Variants in AGBL1 observed in about 807,000 individuals in gnomAD.
The protein encoded by AGBL1 is cytosolic carboxypeptidase 4.
Under a neutral mutation model 118.9 loss-of-function variants are expected in AGBL1, and 130 were observed. The observed-to-expected ratio is 1.09, with a 90% CI of 0.95 to 1.26. The LOEUF (loss-of-function observed/expected upper bound fraction) is 1.26. Ranked by LOEUF, AGBL1 falls within the 50% of genes most tolerant of loss-of-function variation. AGBL1 has a pLI of 0.00. For missense variants in AGBL1, 1,584 were observed against 1,298.1 expected (o/e 1.22, Z -3.38); for synonymous variants, 555 against 478.9 (o/e 1.16, Z -2.08).
chr15:86,622,382 A>T lies in AGBL1; in HGVS notation c.2995-51891A>T, dbSNP rs567002716. Among the ~76,000 whole-genome samples, 1,126 of 151,684 alleles carry T rather than the reference A, an allele frequency of 7.4e-3. 8 individuals are homozygous for T. The highest frequency in any genetic ancestry group is 0.013 in the Non-Finnish European group (885 of 67,922). ...GTCCACACAAAAACCAGACAGGCCTATTTTTTTCAGTCTATAAATATTTAC... is the reference window on the plus strand; with the variant it reads ...GTCCACACAAAAACCAGACAGGCCTTTTTTTTTCAGTCTATAAATATTTAC... On this transcript the variant is annotated intron_variant, in intron 21 of 22. Coordinates refer to ENST00000614907, the MANE Select transcript of AGBL1 (RefSeq NM_001386094.1).
intron 7 of AGBL1, among the ~76,000 whole-genome samples, chr15:86,252,494 C>T (rs2078832092): frequency 6.6e-6 from 1 of 152,156 alleles, no homozygotes; most frequent in African/African-American, 2.4e-5. Flanking sequence ...ATAGAGGACT[C>T]ATCATCTTCA....
At chr15:86,783,274 C>T (rs2078359764) in intron 22 of AGBL1, among the ~76,000 whole-genome samples, 1 of 152,164 alleles carries the variant, frequency 6.6e-6, no homozygotes, top group Admixed American at 6.5e-5. Context: ...GTCCTCTATT[C>T]TGTTTTCTTT....
chr15:86,772,915 A>T (rs2078202172), intron 22 of AGBL1, among the ~76,000 whole-genome samples: 1 of 152,040 alleles, frequency 6.6e-6, no homozygotes, highest in African/African-American at 2.4e-5. Flanking sequence ...GAGTGACTGA[A>T]GAGAGAGGAA....
rs1488833240 is a variant in AGBL1 at position 86,079,896 on chromosome 15, G to A, written c.-77G>A. 3 of 1,109,450 alleles carry A rather than the reference G, an allele frequency of 2.7e-6. No homozygotes were observed. Among genetic ancestry groups the A allele is most frequent in the African/African-American group, 1.6e-5 (1 of 62,564 alleles). 68.7% of individuals were successfully genotyped at this position (1,109,450 alleles called of 1,614,324 possible). On this transcript the variant is annotated 5_prime_UTR_variant, in exon 1 of 23. Transcript: ENST00000614907. ...AGTCGTCTCCTGCGAGGCGGGCAGC[G>A]AGGTCAGCTTGGCAGCCGCTGCCTC...
intron 19 of AGBL1, among the ~76,000 whole-genome samples, chr15:86,537,557 G>C (rs538913549): frequency 1.3e-5 from 2 of 152,350 alleles, no homozygotes; most frequent in East Asian, 1.9e-4. Context: ...TGGAGGGATG[G>C]CTGGCCAGAG....
intron 1 of AGBL1, among the ~76,000 whole-genome samples, chr15:86,117,124 T>A (rs75141828): frequency 0.019 from 2,843 of 152,090 alleles, 89 homozygotes; most frequent in African/African-American, 0.064. Flanking sequence ...CCTTTTTACA[T>A]AAAGAAATCT....
intron 16 of AGBL1, among the ~76,000 whole-genome samples, chr15:86,284,256 G>A (rs950987183): frequency 2.7e-5 from 4 of 149,630 alleles, no homozygotes; most frequent in African/African-American, 9.8e-5. Context: ...TGGTTTTCTT[G>A]GGGTAATTGA....
intron 6 of AGBL1, among the ~76,000 whole-genome samples, chr15:86,227,084 G>T (rs925297009): frequency 2.7e-4 from 41 of 151,966 alleles, no homozygotes; most frequent in African/African-American, 9.2e-4. Context: ...TACATGATTT[G>T]TGATTTTTCC....
rs1200952860 is a variant in AGBL1 at position 86,366,539 on chromosome 15, C to T, written c.2375-30827C>T. On this transcript the variant is annotated intron_variant, in intron 17 of 22. Transcript: ENST00000614907. ...TGCAGCCAGGATCAATACTCTTAAT[C>T]ACCTACTCTGCTGCCTCCACATTAA... is the stretch of plus-strand genomic sequence containing the variant. Among the ~76,000 whole-genome samples the T allele has an allele frequency of 5.3e-5, 8 of 152,144 alleles. No individual in the cohort carries two copies. In the East Asian group the frequency reaches 7.7e-4, roughly 15 times the overall value.
chr15:86,443,375 G>A (rs890642169), intron 18 of AGBL1, among the ~76,000 whole-genome samples: 3 of 152,106 alleles, frequency 2.0e-5, no homozygotes, highest in African/African-American at 7.2e-5. Flanking sequence ...GTGATATTTT[G>A]ATACATGTAT....
chr15:86,647,133 A>T (rs2085293509), intron 21 of AGBL1, among the ~76,000 whole-genome samples: 1 of 152,172 alleles, frequency 6.6e-6, no homozygotes, highest in African/African-American at 2.4e-5. Flanking sequence ...GATTTATATA[A>T]CAATCAACCA....
At chr15:86,919,093 A>G (rs1009933690), downstream of AGBL1, among the ~76,000 whole-genome samples, 4 of 152,238 alleles carry the variant, frequency 2.6e-5, no homozygotes, top group Non-Finnish European at 5.9e-5. Flanking sequence ...CACCACATCA[A>G]TATCAGCTAG....
intron 1 of AGBL1, among the ~76,000 whole-genome samples, chr15:86,104,046 G>A (rs1896888205): frequency 6.6e-6 from 1 of 152,236 alleles, no homozygotes; most frequent in African/African-American, 2.4e-5. Context: ...GGTGGTGCAT[G>A]CAGGTGGGTG....
At chr15:86,426,076 A>G (rs181537961) in intron 18 of AGBL1, among the ~76,000 whole-genome samples, 1 of 152,196 alleles carries the variant, frequency 6.6e-6, no homozygotes. Flanking sequence ...TCTCTAGTAT[A>G]TAGTAGAACA....
intron 22 of AGBL1, among the ~76,000 whole-genome samples, chr15:86,679,521 T>G (rs2142564207): frequency 6.6e-6 from 1 of 152,198 alleles, no homozygotes; most frequent in Non-Finnish European, 1.5e-5. Flanking sequence ...TCATTTATAA[T>G]TTTTGACCAT....
chr15:86,683,066 T>A (rs1263245744), intron 22 of AGBL1, among the ~76,000 whole-genome samples: 1 of 152,176 alleles, frequency 6.6e-6, no homozygotes, highest in African/African-American at 2.4e-5. Flanking sequence ...GAATAATAGA[T>A]GAAAAGCAAA....
At chr15:86,884,193 C>T (rs2347453) in intron 22 of AGBL1, among the ~76,000 whole-genome samples, 1 of 152,048 alleles carries the variant, frequency 6.6e-6, no homozygotes, top group Non-Finnish European at 1.5e-5. Flanking sequence ...ACAAAGGTTA[C>T]TTGAACATAA....
intron 18 of AGBL1, among the ~76,000 whole-genome samples, chr15:86,406,114 A>G (rs2081526079): frequency 6.6e-6 from 1 of 152,230 alleles, no homozygotes; most frequent in Non-Finnish European, 1.5e-5. Context: ...CAATGCTGGT[A>G]CTATGGGAGC....
chr15:86,924,003 A>G (rs1442364071), intron 23 of AGBL1, among the ~76,000 whole-genome samples: 1 of 152,226 alleles, frequency 6.6e-6, no homozygotes, highest in African/African-American at 2.4e-5. Flanking sequence ...GCATATATAC[A>G]TACAAAAGCA....
Sources: allele counts gnomAD v4.1 joint callset (sites outside exome capture counted in the v4.1 genomes callset), GRCh38; gene constraint gnomAD v4.1.1; transcripts MANE v1.5; gene names NCBI Gene and HGNC (gene_info 2026-07-23, HGNC 2026-07-21).